Variants in CNTNAP4 observed in about 807,000 individuals in gnomAD.
CNTNAP4 encodes contactin associated protein family member 4.
CNTNAP4 carries 98 observed loss-of-function variants against 148.4 expected under a neutral mutation model. The ratio of observed to expected loss-of-function variants is 0.66; its 90% CI spans 0.56 to 0.78. The LOEUF (loss-of-function observed/expected upper bound fraction) is 0.78, where lower values mean the gene tolerates loss of function less well. Among genes scored for constraint, CNTNAP4 ranks in the 30% least tolerant of loss-of-function variants. The pLI is 0.00. For synonymous variants in CNTNAP4, 730 were observed against 565.1 expected, an observed-to-expected ratio of 1.29 and a Z score of -4.14; for missense variants, 1,935 against 1,565.6, an observed-to-expected ratio of 1.24 and a Z score of -3.98.
chr16:76,527,701 T>C (rs934900830), intron 17 of CNTNAP4, among the ~76,000 whole-genome samples: 1 of 152,184 alleles, frequency 6.6e-6, no homozygotes, highest in Non-Finnish European at 1.5e-5. Context: ...GTTAATAAAA[T>C]TGTATGGTAT....
intron 8 of CNTNAP4, among the ~76,000 whole-genome samples, chr16:76,455,457 C>T (rs2080690402): frequency 1.3e-5 from 2 of 152,170 alleles, no homozygotes; most frequent in Non-Finnish European, 2.9e-5. Context: ...CCTTGATTTG[C>T]TGCACCCAGG....
chr16:76,306,713 G>A (rs927684282), intron 1 of CNTNAP4, among the ~76,000 whole-genome samples: 1 of 152,130 alleles, frequency 6.6e-6, no homozygotes, highest in African/African-American at 2.4e-5. Flanking sequence ...TTAAAGACAG[G>A]CATATGAAAA....
chr16:76,322,502 A>G (rs2144154199), intron 2 of CNTNAP4, among the ~76,000 whole-genome samples: 1 of 152,288 alleles, frequency 6.6e-6, no homozygotes, highest in African/African-American at 2.4e-5. Context: ...TTAATTCACT[A>G]TTCTTGGGTC....
chr16:76,371,982 A>T (rs1187774000), intron 3 of CNTNAP4, among the ~76,000 whole-genome samples: 2 of 152,134 alleles, frequency 1.3e-5, no homozygotes, highest in African/African-American at 4.8e-5. Context: ...TCTTACTTCC[A>T]ATGACATCTG....
At chr16:76,428,481 C>A (rs1474615513) in intron 4 of CNTNAP4, among the ~76,000 whole-genome samples, 1 of 151,818 alleles carries the variant, frequency 6.6e-6, no homozygotes, top group Non-Finnish European at 1.5e-5. Context: ...CATACATACG[C>A]TGTCACTTTG....
At chr16:76,370,091 A>C (rs1335620119) in intron 3 of CNTNAP4, among the ~76,000 whole-genome samples, 1 of 152,156 alleles carries the variant, frequency 6.6e-6, no homozygotes, top group African/African-American at 2.4e-5. Flanking sequence ...ATGAACCCTC[A>C]CATAAACAAT....
At position 76,559,567 on chromosome 16, in the gene CNTNAP4, C is replaced by G. The variant is rs1477140940; in HGVS notation, c.*884C>G. On this transcript the variant is annotated 3_prime_UTR_variant, in exon 24 of 24. Coordinates refer to ENST00000611870, the MANE Select transcript of CNTNAP4 (RefSeq NM_033401.5). ...CAGCAAAAAATTATTATTTAATTTA[C>G]AACTGTAATACCTCAAATGAAATAT... 7.2e-5 allele frequency among the ~76,000 whole-genome samples: 11 copies of G among 152,070 alleles called. No homozygotes were observed. Among genetic ancestry groups the G allele is most frequent in the Non-Finnish European group, 1.5e-5 (1 of 68,004 alleles).
intron 3 of CNTNAP4, among the ~76,000 whole-genome samples, chr16:76,407,637 T>C (rs1338534732): frequency 1.3e-5 from 2 of 152,070 alleles, no homozygotes; most frequent in African/African-American, 4.8e-5. Flanking sequence ...ATTGCTGCAA[T>C]CTTATAATAA....
intron 1 of CNTNAP4, among the ~76,000 whole-genome samples, chr16:76,295,409 T>C (rs1245342745): frequency 2.0e-5 from 3 of 152,192 alleles, no homozygotes; most frequent in African/African-American, 7.2e-5. Flanking sequence ...ATAAGTGTTA[T>C]GCATGCACAT....
intron 3 of CNTNAP4, among the ~76,000 whole-genome samples, chr16:76,382,764 C>A (rs1203184915): frequency 6.6e-6 from 1 of 152,124 alleles, no homozygotes. Context: ...ATACCACTTT[C>A]CTCTAAAAGG....
rs1568497173 is a variant in CNTNAP4 at position 76,522,694 on chromosome 16, T to TC, written c.2755+437_2755+438insC. ...TCTTTCTCTCTTTCTCTCCTTTCTT[T>TC]TCTTTTCTTTTCTTTTCTTTTCTTT... On this transcript the variant is annotated intron_variant, in intron 17 of 23. Transcript: ENST00000611870. 4.8e-3 allele frequency among the ~76,000 whole-genome samples: 83 copies of TC among 17,314 alleles called. 4 individuals carry two copies. Among genetic ancestry groups the TC allele is most frequent in the African/African-American group, 0.03 (62 of 2,060 alleles). 11.4% of individuals were successfully genotyped at this position (17,314 alleles called of 152,430 possible).
At chr16:76,279,337 T>C (rs1958599146) in intron 1 of CNTNAP4, among the ~76,000 whole-genome samples, 1 of 152,226 alleles carries the variant, frequency 6.6e-6, no homozygotes, top group African/African-American at 2.4e-5. Flanking sequence ...TAAAATACAT[T>C]AATCTAATTA....
intron 12 of CNTNAP4, among the ~76,000 whole-genome samples, chr16:76,480,128 A>G (rs1346010786): frequency 1.3e-5 from 2 of 152,162 alleles, no homozygotes; most frequent in South Asian, 2.1e-4. Flanking sequence ...AGACAGTGCA[A>G]TAAAACAAGA....
In CNTNAP4 at chr16:76,311,414, G is replaced by A. The variant is rs193080575; in HGVS notation, c.86-4999G>A. ...TGGTGACTTTTCTGAGATATTGAAC[G>A]GAAAGCCATAGATTTGTATGTATAT... On this transcript the variant is annotated intron_variant, in intron 1 of 23. Transcript: ENST00000611870. Among the ~76,000 whole-genome samples, 111 of 151,980 alleles carry A rather than the reference G, an allele frequency of 7.3e-4. 1 individual carries two copies. The highest frequency in any genetic ancestry group is 2.5e-3 in the African/African-American group (103 of 41,490).
Position 76,277,677 on chromosome 16 carries a change from G to C in CNTNAP4, c.15G>C (p.Thr5=). The part of the protein sequence containing the change: MGSV[T]GAVLKTLLLL... ...TAAATGTGAACATGGGATCTGTCAC[G>C]GGAGCTGTCCTCAAGACGCTACTTC... Residue 5 remains threonine, a synonymous_variant, in exon 1 of 24, where the codon ACG becomes ACC. Transcript: ENST00000611870. 6.2e-7 allele frequency: 1 copy of C among 1,604,498 alleles called. No homozygotes were observed. The highest frequency in any genetic ancestry group is 8.5e-7 in the Non-Finnish European group (1 of 1,175,082).
At chr16:76,328,616 A>G (rs906851611) in intron 2 of CNTNAP4, among the ~76,000 whole-genome samples, 1 of 152,136 alleles carries the variant, frequency 6.6e-6, no homozygotes, top group Non-Finnish European at 1.5e-5. Context: ...GTGATGCATT[A>G]GTTGTGACAA....
chr16:76,366,147 T>A (rs1356970672), intron 3 of CNTNAP4, among the ~76,000 whole-genome samples: 1 of 152,186 alleles, frequency 6.6e-6, no homozygotes, highest in Non-Finnish European at 1.5e-5. Flanking sequence ...TTGCTGAAAT[T>A]TTTTTAAACT....
intron 1 of CNTNAP4, among the ~76,000 whole-genome samples, chr16:76,281,332 C>T (rs1209116025): frequency 1.3e-5 from 2 of 151,986 alleles, no homozygotes; most frequent in African/African-American, 4.8e-5. Flanking sequence ...TGGCTAGCCC[C>T]TATAAAGATC....
At chr16:76,470,888 CAT>C (rs529743681) in intron 10 of CNTNAP4, among the ~76,000 whole-genome samples, 180 of 152,234 alleles carry the variant, frequency 1.2e-3, no homozygotes, top group South Asian at 4.6e-3. Context: ...CTGTTTCTCT[CAT>C]GTGGACACAT....
Sources: gnomAD v4.1 joint callset for allele counts (sites outside exome capture counted in the v4.1 genomes callset) on GRCh38, gnomAD v4.1.1 for gene constraint, MANE v1.5 for transcripts, NCBI Gene and HGNC (gene_info 2026-07-23, HGNC 2026-07-21) for gene names.